Variants in PRKCE observed in about 807,000 individuals in gnomAD.
PRKCE encodes the protein protein kinase C epsilon, also known as protein kinase C epsilon type.
PRKCE carries 16 observed loss-of-function variants against 85.4 expected under a neutral mutation model. The observed-to-expected ratio is 0.19, with a 90% CI of 0.13 to 0.28. The LOEUF is 0.28. Among genes scored for constraint, PRKCE ranks in the 10% least tolerant of loss-of-function variants. The pLI, the probability that PRKCE is intolerant of heterozygous loss-of-function variation, is 1.00. For synonymous variants in PRKCE, 388 were observed against 371.5 expected, an observed-to-expected ratio of 1.04 and a Z score of -0.51; for missense variants, 573 against 975.2, an observed-to-expected ratio of 0.59 and a Z score of 5.49.
At position 45,652,299 on chromosome 2, in the gene PRKCE, G is replaced by T. The variant is rs1321799222; in HGVS notation, c.199G>T (p.Asp67Tyr). The change falls in exon 1 of 15, where the codon GAC becomes TAC. Residue 67 changes from aspartate to tyrosine, a missense_variant. By Grantham distance (160) the Asp-to-Tyr change is radical. Coordinates refer to ENST00000306156, the MANE Select transcript of PRKCE (RefSeq NM_005400.3). The surrounding 1 kb of genome is among the most constrained non-coding windows in gnomAD (Gnocchi z 7.7). ...KQKTNSPAWHDEFVTDVCNGR... is the reference protein window; with the variant it reads ...KQKTNSPAWHYEFVTDVCNGR... ...GAAGACCAACAGCCCGGCCTGGCAC[G>T]ACGAGTTCGTCACCGATGTGTGCAA... 6.2e-7 allele frequency: 1 copy of T among 1,613,582 alleles called. No individual in the cohort carries two copies. Among genetic ancestry groups the T allele is most frequent in the East Asian group, 2.2e-5 (1 of 44,814 alleles).
chr2:45,936,880 A>G (rs1217473464), intron 2 of PRKCE, among the ~76,000 whole-genome samples: 1 of 152,188 alleles, frequency 6.6e-6, no homozygotes, highest in Non-Finnish European at 1.5e-5. Context: ...AGGGGCAGGG[A>G]CAAAAGCTCT....
chr2:45,761,866 C>A (rs549989817), intron 1 of PRKCE, among the ~76,000 whole-genome samples: 1 of 152,170 alleles, frequency 6.6e-6, no homozygotes, highest in African/African-American at 2.4e-5. Flanking sequence ...TGCATCCCAT[C>A]GGTCCCTTCC....
intron 2 of PRKCE, among the ~76,000 whole-genome samples, chr2:45,948,086 A>G (rs1279577211): frequency 6.6e-6 from 1 of 152,202 alleles, no homozygotes; most frequent in African/African-American, 2.4e-5. Context: ...CTGGAGAACA[A>G]TTTGTGAATT....
In PRKCE at chr2:45,697,149, A is replaced by G. The variant is rs1678220484; in HGVS notation, c.348+44701A>G. Among the ~76,000 whole-genome samples the G allele has an allele frequency of 6.6e-6, 1 of 152,192 alleles. No individual in the cohort carries two copies. The highest frequency in any genetic ancestry group is 2.1e-4 in the South Asian group (1 of 4,822). On this transcript the variant is annotated intron_variant, in intron 1 of 14. Coordinates refer to ENST00000306156, the MANE Select transcript of PRKCE (RefSeq NM_005400.3). This position sits in a 1 kb window ranked among gnomAD's most constrained non-coding sequence, Gnocchi z 4.2. ...AATACTTAGGAACATGCCTCCAAAT[A>G]AGATGAAATGCTCTAGTGTAGCTGA...
At chr2:46,162,707 G>A (rs1677903435) in intron 14 of PRKCE, among the ~76,000 whole-genome samples, 1 of 152,184 alleles carries the variant, frequency 6.6e-6, no homozygotes, top group African/African-American at 2.4e-5. Flanking sequence ...TCCTTAGAGA[G>A]TTCTCAGCTG....
At chr2:45,896,350 C>T (rs73926104) in intron 2 of PRKCE, among the ~76,000 whole-genome samples, 3,813 of 152,214 alleles carry the variant, frequency 0.025, 151 homozygotes, top group African/African-American at 0.086. Flanking sequence ...TGTGCCATTG[C>T]ACCTAGATGA....
intron 6 of PRKCE, among the ~76,000 whole-genome samples, chr2:45,998,742 A>G (rs369142772): frequency 3.3e-5 from 5 of 152,056 alleles, no homozygotes; most frequent in African/African-American, 9.6e-5. Flanking sequence ...CTTTGTTTCT[A>G]TGTTTGTCTT....
intron 1 of PRKCE, among the ~76,000 whole-genome samples, chr2:45,653,777 G>A (rs562967782): frequency 2.0e-4 from 31 of 152,298 alleles, no homozygotes; most frequent in Admixed American, 7.2e-4. Flanking sequence ...GCTCCAACAA[G>A]CCACATGCGT....
chr2:45,772,042 G>A (rs938831503), intron 1 of PRKCE, among the ~76,000 whole-genome samples: 8 of 152,186 alleles, frequency 5.3e-5, no homozygotes, highest in Non-Finnish European at 5.9e-5. Context: ...TCTTGGAGAT[G>A]TGATTGTTCC....
At chr2:45,938,892 A>T (rs1267793333) in intron 2 of PRKCE, among the ~76,000 whole-genome samples, 1 of 152,148 alleles carries the variant, frequency 6.6e-6, no homozygotes, top group Non-Finnish European at 1.5e-5. Flanking sequence ...CCAGTTACAC[A>T]TGGTGGGCAC....
chr2:45,692,771 C>T (rs1397939427), intron 1 of PRKCE, among the ~76,000 whole-genome samples: 1 of 152,086 alleles, frequency 6.6e-6, no homozygotes, highest in Non-Finnish European at 1.5e-5. Flanking sequence ...CTCCACCCCA[C>T]ACTAAACACA....
intron 1 of PRKCE, among the ~76,000 whole-genome samples, chr2:45,728,718 T>C (rs564672556): frequency 6.6e-6 from 1 of 152,312 alleles, no homozygotes; most frequent in South Asian, 2.1e-4. Context: ...CATGGTTTGT[T>C]TTCAGTATCT....
At chr2:45,665,551 A>G (rs979863029) in intron 1 of PRKCE, among the ~76,000 whole-genome samples, 1 of 152,194 alleles carries the variant, frequency 6.6e-6, no homozygotes, top group Non-Finnish European at 1.5e-5. Context: ...AGTAGAAAAA[A>G]AAGTTTCTCT....
intron 1 of PRKCE, among the ~76,000 whole-genome samples, chr2:45,753,118 G>A (rs575987639): frequency 2.4e-4 from 37 of 152,222 alleles, no homozygotes; most frequent in South Asian, 8.3e-4. Flanking sequence ...TACCGCTGTC[G>A]TGTGTTTAAC....
At chr2:45,982,345 G>A (rs1404120866) in intron 5 of PRKCE, among the ~76,000 whole-genome samples, 1 of 152,188 alleles carries the variant, frequency 6.6e-6, no homozygotes, top group Non-Finnish European at 1.5e-5. Context: ...AGAAACACAT[G>A]TAGCCCTAAA....
At chr2:45,798,457 G>A (rs533546046) in intron 1 of PRKCE, among the ~76,000 whole-genome samples, 5 of 152,236 alleles carry the variant, frequency 3.3e-5, no homozygotes, top group African/African-American at 1.2e-4. Flanking sequence ...TCCTGTAGGC[G>A]CTAAGGGAGA....
intron 12 of PRKCE, among the ~76,000 whole-genome samples, chr2:46,148,078 A>C (rs1356649289): frequency 6.6e-6 from 1 of 152,220 alleles, no homozygotes; most frequent in Non-Finnish European, 1.5e-5. Flanking sequence ...CTTTGGAGGC[A>C]TGAGGTCTGC....
chr2:45,716,630 GAGA>G (rs139135622), intron 1 of PRKCE, among the ~76,000 whole-genome samples: 2,928 of 146,334 alleles, frequency 0.02, 72 homozygotes, highest in African/African-American at 0.059. Flanking sequence ...GAAGGAGAAG[GAGA>G]AGAAGAAGAA....
chr2:46,026,442 A>G (rs1167840745), intron 10 of PRKCE, among the ~76,000 whole-genome samples: 2 of 152,202 alleles, frequency 1.3e-5, no homozygotes. Flanking sequence ...AGTGGTGGAA[A>G]TGTTACCTTT....
Sources: allele counts gnomAD v4.1 joint callset (sites outside exome capture counted in the v4.1 genomes callset), GRCh38; gene constraint gnomAD v4.1.1; non-coding constraint Gnocchi (gnomAD v3.1); transcripts MANE v1.5; gene names NCBI Gene and HGNC (gene_info 2026-07-23, HGNC 2026-07-21).